Variants in CFAP58 observed in about 807,000 individuals in gnomAD.
CFAP58 encodes the protein cilia and flagella associated protein 58, also known as cilia- and flagella-associated protein 58.
A neutral mutation model predicts 119.5 loss-of-function variants in CFAP58; 88 were observed. The observed-to-expected ratio is 0.74, with a 90% CI of 0.62 to 0.88. CFAP58 has a LOEUF of 0.88. Among genes scored for constraint, CFAP58 ranks in the 40% least tolerant of loss-of-function variants. CFAP58 has a pLI of 0.00. For missense variants in CFAP58, 990 were observed against 1,021.2 expected (o/e 0.97, Z 0.42); for synonymous variants, 365 against 366.3 (o/e 1.00, Z 0.04).
intron 6 of CFAP58, among the ~76,000 whole-genome samples, chr10:104,370,003 CT>C (rs1437993329): frequency 6.6e-6 from 1 of 152,164 alleles, no homozygotes; most frequent in Non-Finnish European, 1.5e-5. Flanking sequence ...CCTATTCATA[CT>C]ATGAAATATC....
At chr10:104,451,895 A>T (rs1589941473) in intron 17 of CFAP58, among the ~76,000 whole-genome samples, 1 of 143,914 alleles carries the variant, frequency 6.9e-6, no homozygotes, top group Admixed American at 6.9e-5. Context: ...TGCCCAGCTA[A>T]TTTTTTTTTT....
At chr10:104,445,181 A>G (rs2013094434) in intron 15 of CFAP58, among the ~76,000 whole-genome samples, 1 of 151,614 alleles carries the variant, frequency 6.6e-6, no homozygotes, top group African/African-American at 2.4e-5. Context: ...AAATTAGCCA[A>G]GCATGGTGGT....
chr10:104,356,590 TTGAA>T (rs1209367401), intron 1 of CFAP58, among the ~76,000 whole-genome samples: 2 of 152,232 alleles, frequency 1.3e-5, no homozygotes, highest in African/African-American at 2.4e-5. Flanking sequence ...CCGTACTCCT[TTGAA>T]TGTAATTCAG....
chr10:104,366,658 C>G (rs968694741), intron 5 of CFAP58, among the ~76,000 whole-genome samples: 6 of 151,946 alleles, frequency 3.9e-5, no homozygotes, highest in Admixed American at 1.3e-4. Context: ...AATTCATTTC[C>G]TTGGTTGTAC....
At chr10:104,432,032 T>C (rs1454691919) in intron 15 of CFAP58, among the ~76,000 whole-genome samples, 1 of 152,196 alleles carries the variant, frequency 6.6e-6, no homozygotes, top group African/African-American at 2.4e-5. Context: ...GGCATCCCTG[T>C]ACAAGTTTCC....
chr10:104,435,109 G>C (rs1211035776), intron 15 of CFAP58, among the ~76,000 whole-genome samples: 1 of 152,250 alleles, frequency 6.6e-6, no homozygotes, highest in African/African-American at 2.4e-5. Context: ...CACTGTGCCT[G>C]ATGTGTCTGT....
intron 3 of CFAP58, among the ~76,000 whole-genome samples, chr10:104,362,771 T>G (rs1480687512): frequency 6.6e-6 from 1 of 152,182 alleles, no homozygotes; most frequent in Non-Finnish European, 1.5e-5. Context: ...CCATCATTGC[T>G]ACCAAATTTA....
At chr10:104,376,105 C>T (rs1463354162) in intron 7 of CFAP58, among the ~76,000 whole-genome samples, 3 of 152,006 alleles carry the variant, frequency 2.0e-5, no homozygotes, top group Admixed American at 6.5e-5. Context: ...CAAGAGACTT[C>T]GCAGGGCAAT....
chr10:104,393,585 G>A, intron 11 of CFAP58, 110 bp downstream of exon 11: 1 of 1,027,004 alleles, frequency 9.7e-7, no homozygotes, highest in Admixed American at 2.7e-5. Context: ...ACGCCTGCCT[G>A]TGGTCACAGT....
chr10:104,399,345 T>C lies in CFAP58; in HGVS notation c.1675-15T>C, dbSNP rs376671339. 1 of 1,612,860 alleles carries C rather than the reference T, an allele frequency of 6.2e-7. No individual in the cohort carries two copies. On this transcript the variant is annotated splice_polypyrimidine_tract_variant and intron_variant, in intron 11 of 17. Coordinates refer to ENST00000369704, the MANE Select transcript of CFAP58 (RefSeq NM_001008723.2). ...AACGAATTGAAATTTGCCTGTATCT[T>C]CCACTCTTTGTCAGGCTGAGCTGCA...
intron 1 of CFAP58, among the ~76,000 whole-genome samples, chr10:104,357,792 CATAT>C (rs143375072): frequency 5.5e-5 from 8 of 145,820 alleles, no homozygotes; most frequent in African/African-American, 2.2e-4. Context: ...TGTTTATATA[CATAT>C]ATATACACAC....
chr10:104,424,601 A>G (rs1240899150), intron 15 of CFAP58, among the ~76,000 whole-genome samples: 1 of 152,152 alleles, frequency 6.6e-6, no homozygotes, highest in Non-Finnish European at 1.5e-5. Context: ...TATTTTTGGG[A>G]AGAAATGAGA....
In CFAP58 at chr10:104,447,397, T is replaced by G. The variant is rs146274299; in HGVS notation, c.2257-301T>G. ...AACCAGAGTCAGTCACTCCCTCCTT[T>G]TCTTGGCAAGATCTTGTATCCTGCC... On this transcript the variant is annotated intron_variant, in intron 15 of 17. Transcript: ENST00000369704. 2.6e-5 allele frequency among the ~76,000 whole-genome samples: 4 copies of G among 152,302 alleles called. No homozygotes were observed. The East Asian group carries it at 7.7e-4, about 29-fold the overall frequency.
intron 15 of CFAP58, among the ~76,000 whole-genome samples, chr10:104,420,618 T>C (rs7897120): frequency 0.2 from 31,052 of 152,030 alleles, 3,217 homozygotes; most frequent in Middle Eastern, 0.35. Flanking sequence ...ACAAATGTGC[T>C]CATGTACTCC....
chr10:104,356,628 T>A (rs1442590024), intron 1 of CFAP58, among the ~76,000 whole-genome samples: 1 of 152,206 alleles, frequency 6.6e-6, no homozygotes, highest in African/African-American at 2.4e-5. Context: ...TGTCCCTCAC[T>A]CCCTAGCTTC....
intron 16 of CFAP58, among the ~76,000 whole-genome samples, chr10:104,449,644 T>G (rs1409982576): frequency 6.6e-6 from 1 of 152,210 alleles, no homozygotes; most frequent in African/African-American, 2.4e-5. Context: ...AGAATAATTT[T>G]TTTCATAATC....
chr10:104,371,116 T>C, intron 7 of CFAP58, 62 bp downstream of exon 7: 1 of 1,487,686 alleles, frequency 6.7e-7, no homozygotes, highest in East Asian at 2.3e-5. Flanking sequence ...TGTTATCTTG[T>C]AACCCAGGGC....
intron 15 of CFAP58, among the ~76,000 whole-genome samples, chr10:104,412,818 G>T (rs1421549119): frequency 6.6e-6 from 1 of 152,128 alleles, no homozygotes; most frequent in Non-Finnish European, 1.5e-5. Flanking sequence ...ATACAGTACT[G>T]GGCACACAGA....
At chr10:104,448,197 C>G (rs1394545178) in intron 16 of CFAP58, among the ~76,000 whole-genome samples, 1 of 152,186 alleles carries the variant, frequency 6.6e-6, no homozygotes. Flanking sequence ...AGCAGACTGC[C>G]GTGCCACAGT....
Sources: allele counts gnomAD v4.1 joint callset (sites outside exome capture counted in the v4.1 genomes callset), GRCh38; gene constraint gnomAD v4.1.1; transcripts MANE v1.5; gene names NCBI Gene and HGNC (gene_info 2026-07-23, HGNC 2026-07-21).